RAB5A: variants seen among roughly 807,000 people sequenced by gnomAD.
RAB5A encodes RAB5A, member RAS oncogene family.
Under a neutral mutation model 25.7 loss-of-function variants are expected in RAB5A, and 8 were observed. The ratio of observed to expected loss-of-function variants is 0.31; its 90% CI spans 0.18 to 0.56. The LOEUF (loss-of-function observed/expected upper bound fraction) is 0.56. RAB5A is among the 20% of genes least tolerant of loss of function. The pLI is 0.91. For missense variants in RAB5A, 192 were observed against 259.7 expected (o/e 0.74, Z 1.79); for synonymous variants, 98 against 89.8 (o/e 1.09, Z -0.52).
intron 3 of RAB5A, 139 bp downstream of exon 3, chr3:19,975,891 G>T: frequency 7.6e-7 from 1 of 1,314,838 alleles, no homozygotes; most frequent in Non-Finnish European, 1.0e-6. Context: ...TAGAAAATCT[G>T]GTTTTAAAAA....
chr3:19,947,791 G>A (rs902932894), intron 1 of RAB5A: 14 of 152,488 alleles, frequency 9.2e-5, no homozygotes, highest in Middle Eastern at 3.4e-3. Context: ...ATGGCGCCGT[G>A]GAAAGTGTAC....
intron 2 of RAB5A, among the ~76,000 whole-genome samples, chr3:19,952,912 A>G (rs1216921722): frequency 6.7e-6 from 1 of 149,680 alleles, no homozygotes; most frequent in Non-Finnish European, 1.5e-5. Flanking sequence ...CTAGTAGGAA[A>G]AGTTTAAAGA....
At chr3:19,975,551 G>T (rs770844601) in intron 2 of RAB5A, 50 bp from the exon 3 acceptor site, 2 of 1,572,930 alleles carry the variant, frequency 1.3e-6, no homozygotes, top group Non-Finnish European at 1.7e-6. Context: ...TCTATATTAT[G>T]AAAACATTTG....
rs1486222850 is a variant in RAB5A, at chr3:19,951,127, T to C, written c.163+66T>C. 32 of 1,549,744 alleles carry C rather than the reference T, an allele frequency of 2.1e-5. 1 individual carries two copies. In the South Asian group the frequency reaches 2.9e-4, roughly 14 times the overall value. On this transcript the variant is annotated intron_variant, in intron 2 of 5. Coordinates refer to ENST00000273047, the MANE Select transcript of RAB5A (RefSeq NM_004162.5). ...TACATTGACAGAAAATATTTTGATG[T>C]TCCAATTGTGTGATTATGAATAGCT...
At chr3:19,981,566 A>G (rs973343546) in intron 5 of RAB5A, among the ~76,000 whole-genome samples, 2 of 152,022 alleles carry the variant, frequency 1.3e-5, no homozygotes, top group Non-Finnish European at 1.5e-5. Context: ...GCGAGCTGAG[A>G]TCGTGCCACT....
At chr3:19,963,295 G>A (rs1406454484) in intron 2 of RAB5A, among the ~76,000 whole-genome samples, 1 of 149,108 alleles carries the variant, frequency 6.7e-6, no homozygotes, top group African/African-American at 2.5e-5. Context: ...TCCATTGTTG[G>A]GCATTTAATG....
chr3:19,958,900 C>G (rs1438974112), intron 2 of RAB5A, among the ~76,000 whole-genome samples: 2 of 152,148 alleles, frequency 1.3e-5, no homozygotes, highest in East Asian at 3.9e-4. Flanking sequence ...GATCGCACCA[C>G]TGCACTTCAA....
At chr3:19,948,738 T>C (rs1243145710) in intron 1 of RAB5A, among the ~76,000 whole-genome samples, 2 of 150,934 alleles carry the variant, frequency 1.3e-5, no homozygotes. Context: ...ATCAGAATCT[T>C]GTTTGATTTT....
At chr3:19,969,037 TTTTTTTGG>T (rs1157426872) in intron 2 of RAB5A, among the ~76,000 whole-genome samples, 39 of 74,328 alleles carry the variant, frequency 5.2e-4, no homozygotes, top group African/African-American at 8.4e-4. Context: ...TTTGGTTTTT[TTTTTTTGG>T]TTTTTTTTTT....
At chr3:19,966,333 A>C (rs1261521991) in intron 2 of RAB5A, among the ~76,000 whole-genome samples, 3 of 152,196 alleles carry the variant, frequency 2.0e-5, no homozygotes, top group Admixed American at 2.0e-4. Context: ...TAATGTCCTC[A>C]ACGTTCCATC....
intron 2 of RAB5A, among the ~76,000 whole-genome samples, chr3:19,951,701 G>GTTTTTTTTGTTTTTTT (rs1553638047): frequency 5.7e-4 from 56 of 98,996 alleles, no homozygotes; most frequent in African/African-American, 2.2e-3. Flanking sequence ...TGCCAGGCAA[G>GTTTTTTTTGTTTTTTT]TTTTTTTTTT....
chr3:19,962,659 G>T (rs1046413425), intron 2 of RAB5A, among the ~76,000 whole-genome samples: 2 of 152,122 alleles, frequency 1.3e-5, no homozygotes, highest in Non-Finnish European at 2.9e-5. Context: ...CCTTGCATGG[G>T]TCATATTAGT....
intron 2 of RAB5A, chr3:19,970,830 G>A (rs1004532457): frequency 2.7e-5 from 8 of 298,834 alleles, no homozygotes; most frequent in Non-Finnish European, 4.7e-5. Flanking sequence ...ATTTTTAGGA[G>A]CACTGAGGAT....
intron 2 of RAB5A, among the ~76,000 whole-genome samples, chr3:19,975,015 C>G (rs1696802597): frequency 6.6e-6 from 1 of 152,280 alleles, no homozygotes; most frequent in African/African-American, 2.4e-5. Context: ...CACCTGAGAT[C>G]AGGAGTTCGA....
intron 2 of RAB5A, among the ~76,000 whole-genome samples, chr3:19,965,598 A>G (rs761684292): frequency 1.3e-5 from 2 of 152,158 alleles, no homozygotes; most frequent in Non-Finnish European, 2.9e-5. Flanking sequence ...TGTTGGAGAA[A>G]TGCTAATTTT....
intron 5 of RAB5A, among the ~76,000 whole-genome samples, chr3:19,983,482 C>T (rs1696972264): frequency 6.6e-6 from 1 of 151,972 alleles, no homozygotes; most frequent in Non-Finnish European, 1.5e-5. Context: ...ACAACCAGTC[C>T]CCATCTACCG....
chr3:19,978,746 T>C (rs1158293600), intron 5 of RAB5A: 1 of 163,926 alleles, frequency 6.1e-6, no homozygotes, highest in Non-Finnish European at 1.3e-5. Context: ...TGGATAAATA[T>C]TTTTTTTATT....
Position 19,959,263 on chromosome 3 carries a change from A to G in RAB5A, c.163+8202A>G, listed in dbSNP as rs540977706. On this transcript the variant is annotated intron_variant, in intron 2 of 5. Coordinates refer to ENST00000273047, the MANE Select transcript of RAB5A (RefSeq NM_004162.5). Reference sequence around the variant, plus strand: ...AAAGCAAATCAAAATAAAACCAGAAATCATCTCTGATGATTCTAAAACTAG... The same window carrying G: ...AAAGCAAATCAAAATAAAACCAGAAGTCATCTCTGATGATTCTAAAACTAG... 1.4e-4 allele frequency among the ~76,000 whole-genome samples: 21 copies of G among 152,320 alleles called. No homozygotes were observed. The East Asian group carries it at 4.1e-3, about 29-fold the overall frequency.
intron 2 of RAB5A, among the ~76,000 whole-genome samples, chr3:19,970,099 A>C (rs895577739): frequency 6.8e-6 from 1 of 147,140 alleles, no homozygotes; most frequent in African/African-American, 2.5e-5. Context: ...ACGGGTTTTC[A>C]CCATGTTGGT....
Sources: gnomAD v4.1 joint callset for allele counts (sites outside exome capture counted in the v4.1 genomes callset) on GRCh38, gnomAD v4.1.1 for gene constraint, MANE v1.5 for transcripts, NCBI Gene and HGNC (gene_info 2026-07-23, HGNC 2026-07-21) for gene names.